RAB11FIP4: variants seen among roughly 807,000 people sequenced by gnomAD.
The protein encoded by RAB11FIP4 is RAB11 family interacting protein 4.
RAB11FIP4 carries 23 observed loss-of-function variants against 74.3 expected under a neutral mutation model. The observed-to-expected ratio is 0.31, with a 90% CI of 0.22 to 0.44. RAB11FIP4 has a LOEUF of 0.44. Ranked by LOEUF, RAB11FIP4 falls within the 20% of genes least tolerant of loss-of-function variation. The pLI, the probability that RAB11FIP4 is intolerant of heterozygous loss-of-function variation, is 1.00. For missense variants in RAB11FIP4, 630 were observed against 863.9 expected, an observed-to-expected ratio of 0.73 and a Z score of 3.39; for synonymous variants, 360 against 359.9, an observed-to-expected ratio of 1.00 and a Z score of 0.00.
intron 3 of RAB11FIP4, chr17:31,488,290 G>A (rs2071939632): frequency 8.5e-7 from 1 of 1,175,540 alleles, no homozygotes; most frequent in Non-Finnish European, 1.1e-6. Context: ...GCGGCCCCGG[G>A]GCTGGCGCTC....
intron 3 of RAB11FIP4, chr17:31,487,986 C>G: frequency 1.0e-6 from 1 of 971,662 alleles, no homozygotes; most frequent in Non-Finnish European, 1.2e-6. Context: ...CGCCCCGGCG[C>G]GAGGCCCCGC....
At chr17:31,526,042 T>C (rs2072761110) in intron 10 of RAB11FIP4, 1 of 152,222 alleles carries the variant, frequency 6.6e-6, no homozygotes, top group South Asian at 2.1e-4. Context: ...TGCCCCCGTG[T>C]CCCTGCCCCT....
chr17:31,458,149 G>A (rs912326523), intron 3 of RAB11FIP4, among the ~76,000 whole-genome samples: 1 of 152,218 alleles, frequency 6.6e-6, no homozygotes, highest in African/African-American at 2.4e-5. Flanking sequence ...ACAGTGTGCA[G>A]GGCCAGGATT....
At chr17:31,425,011 A>C (rs765488465) in intron 1 of RAB11FIP4, among the ~76,000 whole-genome samples, 1 of 152,230 alleles carries the variant, frequency 6.6e-6, no homozygotes, top group Non-Finnish European at 1.5e-5. Flanking sequence ...TGTCAGCATA[A>C]TAATAGTGAT....
At chr17:31,511,259 A>C (rs882544) in intron 3 of RAB11FIP4, among the ~76,000 whole-genome samples, 2 of 151,898 alleles carry the variant, frequency 1.3e-5, no homozygotes, top group Non-Finnish European at 2.9e-5. Context: ...CCTTAACGCC[A>C]CCCCGCGCCT....
intron 3 of RAB11FIP4, among the ~76,000 whole-genome samples, chr17:31,464,488 G>C (rs1452785318): frequency 6.6e-6 from 1 of 152,066 alleles, no homozygotes; most frequent in African/African-American, 2.4e-5. Context: ...TTTCGCTCTT[G>C]TTGCCCAGGC....
intron 3 of RAB11FIP4, among the ~76,000 whole-genome samples, chr17:31,495,087 G>C (rs2072088365): frequency 6.6e-6 from 1 of 152,244 alleles, no homozygotes; most frequent in Non-Finnish European, 1.5e-5. Context: ...AAGCTGGCTT[G>C]GAGCAGTGCT....
intron 3 of RAB11FIP4, among the ~76,000 whole-genome samples, chr17:31,457,181 G>A (rs575882383): frequency 1.3e-5 from 2 of 152,244 alleles, no homozygotes; most frequent in East Asian, 3.9e-4. Flanking sequence ...TTTAGGTAGA[G>A]AATGGGAATT....
intron 3 of RAB11FIP4, among the ~76,000 whole-genome samples, chr17:31,441,646 G>GCCT (rs1351077242): frequency 2.0e-5 from 3 of 151,904 alleles, no homozygotes; most frequent in Non-Finnish European, 4.4e-5. Flanking sequence ...TCCTGCCTCA[G>GCCT]CCTCTCGAGT....
intron 1 of RAB11FIP4, among the ~76,000 whole-genome samples, chr17:31,405,374 CT>C (rs778461559): frequency 8.8e-4 from 129 of 146,312 alleles, no homozygotes; most frequent in Middle Eastern, 3.6e-3. Flanking sequence ...GGCAGCTGAT[CT>C]TTTTTTTTTT....
intron 1 of RAB11FIP4, among the ~76,000 whole-genome samples, chr17:31,410,107 A>G (rs1051007054): frequency 6.6e-6 from 1 of 152,122 alleles, no homozygotes; most frequent in South Asian, 2.1e-4. Context: ...CTAATGAAAG[A>G]AGGAGGGTGA....
At chr17:31,476,075 A>G (rs993940442) in intron 3 of RAB11FIP4, among the ~76,000 whole-genome samples, 1 of 151,530 alleles carries the variant, frequency 6.6e-6, no homozygotes, top group East Asian at 1.9e-4. Flanking sequence ...GAATTGAACC[A>G]GTATTTCCCC....
intron 9 of RAB11FIP4, chr17:31,524,297 C>T (rs188902904): frequency 1.4e-5 from 5 of 360,490 alleles, no homozygotes; most frequent in African/African-American, 8.2e-5. Context: ...CTCACTCATA[C>T]AGTGACAGGA....
intron 1 of RAB11FIP4, among the ~76,000 whole-genome samples, chr17:31,397,984 C>T (rs1034640104): frequency 1.3e-5 from 2 of 152,096 alleles, no homozygotes; most frequent in African/African-American, 4.8e-5. Flanking sequence ...AAACCGTCCT[C>T]CTGCCCCAGC....
chr17:31,416,006 T>C (rs1438764305), intron 1 of RAB11FIP4, among the ~76,000 whole-genome samples: 1 of 151,876 alleles, frequency 6.6e-6, no homozygotes, highest in African/African-American at 2.4e-5. Flanking sequence ...CGGAAGTGCA[T>C]TATAGATACA....
chr17:31,471,821 CAG>C (rs1252014658), intron 3 of RAB11FIP4, among the ~76,000 whole-genome samples: 4 of 152,146 alleles, frequency 2.6e-5, no homozygotes, highest in African/African-American at 7.2e-5. Flanking sequence ...GTGTCTGAAA[CAG>C]GGAGCCTTTT....
intron 3 of RAB11FIP4, among the ~76,000 whole-genome samples, chr17:31,456,790 A>G (rs2071582679): frequency 6.6e-6 from 1 of 152,186 alleles, no homozygotes; most frequent in Non-Finnish European, 1.5e-5. Context: ...TGTCAGGAAG[A>G]GATAAAAAGG....
At chr17:31,466,163 C>A (rs2071684708) in intron 3 of RAB11FIP4, among the ~76,000 whole-genome samples, 1 of 151,624 alleles carries the variant, frequency 6.6e-6, no homozygotes, top group African/African-American at 2.4e-5. Flanking sequence ...AAAAAGAATC[C>A]CAGCCCCTGA....
At chr17:31,452,435 T>C (rs947141143) in intron 3 of RAB11FIP4, among the ~76,000 whole-genome samples, 1 of 152,194 alleles carries the variant, frequency 6.6e-6, no homozygotes, top group African/African-American at 2.4e-5. Context: ...GCCTGGATTC[T>C]CTGAGACTCT....
Sources: allele counts gnomAD v4.1 joint callset (sites outside exome capture counted in the v4.1 genomes callset), GRCh38; gene constraint gnomAD v4.1.1; transcripts MANE v1.5; gene names NCBI Gene and HGNC (gene_info 2026-07-23, HGNC 2026-07-21).